The following ASTN2 variants were observed in gnomAD, a reference collection of about 807,000 sequenced individuals.
The protein encoded by ASTN2 is astrotactin 2.
ASTN2 carries 54 observed loss-of-function variants against 139.8 expected under a neutral mutation model. That is an observed-to-expected ratio of 0.39 (90% CI 0.31 to 0.48). The LOEUF (loss-of-function observed/expected upper bound fraction) is 0.48, where lower values mean the gene tolerates loss of function less well. ASTN2 is among the 20% of genes least tolerant of loss of function. ASTN2 has a pLI of 0.95. For missense variants in ASTN2, 1,565 were observed against 1,725.1 expected (o/e 0.91, Z 1.64); for synonymous variants, 756 against 719.5 (o/e 1.05, Z -0.81).
intron 2 of ASTN2, among the ~76,000 whole-genome samples, chr9:117,233,818 A>T (rs1832966686): frequency 6.6e-6 from 1 of 152,210 alleles, no homozygotes; most frequent in Admixed American, 6.5e-5. Context: ...TGGATTATCA[A>T]TGCTCATTGA....
intron 2 of ASTN2, among the ~76,000 whole-genome samples, chr9:117,268,364 TC>T: frequency 6.6e-6 from 1 of 152,274 alleles, no homozygotes; most frequent in Non-Finnish European, 1.5e-5. Flanking sequence ...AGCATCATCT[TC>T]TGGGAAAAAG....
chr9:117,357,965 T>C (rs1329093363), intron 1 of ASTN2, among the ~76,000 whole-genome samples: 2 of 152,178 alleles, frequency 1.3e-5, no homozygotes, highest in African/African-American at 2.4e-5. Context: ...TTCTCTTTTT[T>C]GGTCTTAGTT....
chr9:116,861,397 T>C (rs1237426425), intron 11 of ASTN2, among the ~76,000 whole-genome samples: 1 of 152,150 alleles, frequency 6.6e-6, no homozygotes, highest in Non-Finnish European at 1.5e-5. Context: ...AGGTCAGCCT[T>C]ACATTCTGGA....
chr9:117,399,793 T>C (rs1830774470), intron 1 of ASTN2, among the ~76,000 whole-genome samples: 1 of 152,176 alleles, frequency 6.6e-6, no homozygotes, highest in Non-Finnish European at 1.5e-5. Flanking sequence ...TGAATTGGTT[T>C]AGATTAGGAA....
chr9:117,346,060 A>G (rs1829207770), intron 1 of ASTN2, among the ~76,000 whole-genome samples: 1 of 149,456 alleles, frequency 6.7e-6, no homozygotes, highest in South Asian at 2.2e-4. Context: ...CATTTTCCAG[A>G]TGTTTTATTG....
At chr9:116,697,825 C>T in intron 16 of ASTN2, 2 of 1,614,216 alleles carry the variant, frequency 1.2e-6, no homozygotes, top group Non-Finnish European at 1.7e-6. Flanking sequence ...GAGTCCTTCA[C>T]AGAAGAGCAG....
chr9:116,975,994 T>C lies in ASTN2; in HGVS notation c.1751+120A>G. 1.6e-5 allele frequency: 14 copies of C among 897,378 alleles called. No homozygotes were observed. The South Asian group carries it at 2.2e-4, about 14-fold the overall frequency. The allele number at this position is 897,378 out of a possible 1,614,324, so 55.6% of individuals were successfully genotyped here. ...TACATTAGTGCCAGGGAGAGTTCTT[T>C]TGTACTCAGTGCAGCTCAGAAGTGC... On this transcript the variant is annotated intron_variant, in intron 9 of 22. Coordinates refer to ENST00000313400, the MANE Select transcript of ASTN2 (RefSeq NM_001365068.1).
At chr9:116,799,994 T>G (rs192518081) in intron 13 of ASTN2, among the ~76,000 whole-genome samples, 1 of 152,326 alleles carries the variant, frequency 6.6e-6, no homozygotes, top group Admixed American at 6.5e-5. Context: ...GCTTCATTCA[T>G]GTCAATTTCA....
chr9:117,255,902 A>G (rs1268357843), intron 2 of ASTN2, among the ~76,000 whole-genome samples: 5 of 152,198 alleles, frequency 3.3e-5, no homozygotes, highest in African/African-American at 1.2e-4. Flanking sequence ...ATCAACTTCA[A>G]TGTGGAAAGG....
chr9:117,405,056 G>A (rs943393214), intron 1 of ASTN2, among the ~76,000 whole-genome samples: 1 of 152,106 alleles, frequency 6.6e-6, no homozygotes, highest in African/African-American at 2.4e-5. Context: ...AAGCAAAGGG[G>A]CCTGGGGAGC....
intron 5 of ASTN2, among the ~76,000 whole-genome samples, chr9:117,071,423 A>G (rs1421085310): frequency 6.6e-6 from 1 of 151,602 alleles, no homozygotes; most frequent in Non-Finnish European, 1.5e-5. Flanking sequence ...AAGCTGTCAG[A>G]CAGGGACATT....
chr9:116,673,531 A>C (rs1490587749), intron 16 of ASTN2, among the ~76,000 whole-genome samples: 1 of 152,200 alleles, frequency 6.6e-6, no homozygotes, highest in Non-Finnish European at 1.5e-5. Context: ...GGGTGATTTT[A>C]GTTGTAACTG....
chr9:116,683,034 A>AAATAG, intron 16 of ASTN2, among the ~76,000 whole-genome samples: 1 of 150,796 alleles, frequency 6.6e-6, no homozygotes, highest in South Asian at 2.1e-4. Context: ...AATAATAATA[A>AAATAG]AATAAAATAA....
At chr9:117,030,243 T>C (rs550884434) in intron 6 of ASTN2, among the ~76,000 whole-genome samples, 10 of 152,310 alleles carry the variant, frequency 6.6e-5, no homozygotes, top group African/African-American at 2.2e-4. Flanking sequence ...CTCTATAGAC[T>C]TGAAGTCAAT....
chr9:117,195,205 GT>G (rs1831464857), intron 3 of ASTN2, among the ~76,000 whole-genome samples: 1 of 152,178 alleles, frequency 6.6e-6, no homozygotes, highest in South Asian at 2.1e-4. Flanking sequence ...GAGAAAAGAG[GT>G]TTGTCTGAAG....
chr9:117,113,570 C>T (rs1177269600), intron 4 of ASTN2, among the ~76,000 whole-genome samples: 4 of 152,088 alleles, frequency 2.6e-5, no homozygotes, highest in Non-Finnish European at 2.9e-5. Context: ...GCAGGAGAAT[C>T]GCTTGAACAC....
intron 2 of ASTN2, among the ~76,000 whole-genome samples, chr9:117,238,874 G>C (rs965183168): frequency 6.6e-6 from 1 of 152,198 alleles, no homozygotes; most frequent in African/African-American, 2.4e-5. Flanking sequence ...ACCCTGCCAA[G>C]TAGAAATAAA....
At chr9:117,263,687 G>GT (rs1484715500) in intron 2 of ASTN2, among the ~76,000 whole-genome samples, 2 of 152,210 alleles carry the variant, frequency 1.3e-5, no homozygotes, top group Non-Finnish European at 2.9e-5. Flanking sequence ...AATCCTCTCA[G>GT]TTTTTTCCAG....
At chr9:116,727,171 G>T (rs1410406859) in intron 15 of ASTN2, among the ~76,000 whole-genome samples, 1 of 151,972 alleles carries the variant, frequency 6.6e-6, no homozygotes, top group Non-Finnish European at 1.5e-5. Context: ...CCTACTGTCT[G>T]CACTTTCAAC....
Sources: allele counts gnomAD v4.1 joint callset (sites outside exome capture counted in the v4.1 genomes callset), GRCh38; gene constraint gnomAD v4.1.1; transcripts MANE v1.5; gene names NCBI Gene and HGNC (gene_info 2026-07-23, HGNC 2026-07-21).